The following UNC13C variants were observed in gnomAD, a reference collection of about 807,000 sequenced individuals.
The protein encoded by UNC13C is unc-13 homolog C.
UNC13C carries 174 observed loss-of-function variants against 245.4 expected under a neutral mutation model. The observed-to-expected ratio is 0.71, with a 90% CI of 0.63 to 0.80. The LOEUF is 0.80. Ranked by LOEUF, UNC13C falls within the 30% of genes least tolerant of loss-of-function variation. The pLI is 0.00. For synonymous variants in UNC13C, 992 were observed against 895.1 expected, an observed-to-expected ratio of 1.11 and a Z score of -1.93; for missense variants, 2,829 against 2,602.9, an observed-to-expected ratio of 1.09 and a Z score of -1.89.
intron 1 of UNC13C, among the ~76,000 whole-genome samples, chr15:53,990,525 A>G (rs181605998): frequency 6.6e-6 from 1 of 152,090 alleles, no homozygotes; most frequent in Non-Finnish European, 1.5e-5. Flanking sequence ...AAATTTTAAA[A>G]TCTTTTGTTT....
At chr15:54,126,939 A>G (rs1239805212) in intron 2 of UNC13C, among the ~76,000 whole-genome samples, 1 of 152,254 alleles carries the variant, frequency 6.6e-6, no homozygotes. Flanking sequence ...TATGCGGCCA[A>G]TAGTTATATG....
chr15:54,172,012 G>A (rs2141285561), intron 4 of UNC13C, among the ~76,000 whole-genome samples: 1 of 152,172 alleles, frequency 6.6e-6, no homozygotes, highest in South Asian at 2.1e-4. Flanking sequence ...GGCACAGAAA[G>A]ACTAAGTTTA....
intron 19 of UNC13C, among the ~76,000 whole-genome samples, chr15:54,458,857 T>C (rs1356155711): frequency 6.6e-6 from 1 of 151,962 alleles, no homozygotes; most frequent in Non-Finnish European, 1.5e-5. Flanking sequence ...CATTCTGCCA[T>C]TCTGTATCTT....
chr15:54,049,679 C>A, intron 2 of UNC13C: 1 of 216,624 alleles, frequency 4.6e-6, no homozygotes, highest in South Asian at 7.0e-5. Flanking sequence ...GTCAGTTGAC[C>A]ACGCAATATT....
intron 4 of UNC13C, among the ~76,000 whole-genome samples, chr15:54,183,831 C>T (rs1359875055): frequency 6.7e-6 from 1 of 149,708 alleles, no homozygotes; most frequent in East Asian, 2.0e-4. Context: ...AAGTCTCAAA[C>T]TGAGCAGTGG....
At chr15:53,883,955 A>T in the UNC13C span, among the ~76,000 whole-genome samples, 1 of 152,194 alleles carries the variant, frequency 6.6e-6, no homozygotes, top group African/African-American at 2.4e-5. Flanking sequence ...TCCTACAGAA[A>T]GTCTGAGGGT....
At chr15:54,151,395 A>G (rs539935285) in intron 4 of UNC13C, among the ~76,000 whole-genome samples, 1 of 152,136 alleles carries the variant, frequency 6.6e-6, no homozygotes, top group African/African-American at 2.4e-5. Flanking sequence ...CATTATATGA[A>G]AACTACTCTT....
At chr15:54,139,570 A>C (rs1363381648) in intron 2 of UNC13C, among the ~76,000 whole-genome samples, 1 of 152,216 alleles carries the variant, frequency 6.6e-6, no homozygotes, top group Non-Finnish European at 1.5e-5. Context: ...CTCATCAACT[A>C]TGCATGATAG....
At chr15:54,333,625 T>G (rs937771429) in intron 15 of UNC13C, 142 bp from the exon 16 acceptor site, 3 of 582,874 alleles carry the variant, frequency 5.1e-6, no homozygotes, top group Non-Finnish European at 9.2e-6. Flanking sequence ...ATGACAAAAA[T>G]ATTTTAAGAA....
chr15:54,142,097 G>T lies in UNC13C; in HGVS notation c.2984-921G>T, dbSNP rs182371208. Among the ~76,000 whole-genome samples the T allele has an allele frequency of 1.7e-3, 256 of 152,254 alleles. 1 individual carries two copies. The highest frequency in any genetic ancestry group is 3.0e-3 in the Non-Finnish European group (202 of 67,990). On this transcript the variant is annotated intron_variant, in intron 2 of 32. Transcript: ENST00000260323. ...CAGTTTTATGCTAATAAGCAAAGAT[G>T]AATTAATGAGTTTCAGAGCAATAGT...
intron 24 of UNC13C, among the ~76,000 whole-genome samples, chr15:54,519,974 G>C (rs1224180672): frequency 6.6e-6 from 1 of 152,112 alleles, no homozygotes; most frequent in East Asian, 1.9e-4. Context: ...GTTTTAAAAA[G>C]AAAACATAAA....
At chr15:54,028,719 G>T (rs1054634390) in intron 2 of UNC13C, among the ~76,000 whole-genome samples, 2 of 113,426 alleles carry the variant, frequency 1.8e-5, no homozygotes, top group Admixed American at 1.2e-4. Context: ...ACGGAGTCTC[G>T]CTCTGTTGTC....
the UNC13C span, among the ~76,000 whole-genome samples, chr15:53,956,422 T>C: frequency 3.3e-5 from 5 of 151,886 alleles, no homozygotes; most frequent in Non-Finnish European, 7.4e-5. Context: ...CGGTGCCAGC[T>C]GCTCAGAAGG....
intron 30 of UNC13C, among the ~76,000 whole-genome samples, chr15:54,576,405 C>T (rs1174465842): frequency 3.9e-5 from 6 of 152,176 alleles, no homozygotes. Context: ...ATCACTGAAT[C>T]TCTCTTCTGT....
In UNC13C at chr15:54,013,324, C is replaced by G. The variant is rs1262653549; in HGVS notation, c.421C>G (p.Gln141Glu). The G allele has an allele frequency of 6.2e-7, 1 of 1,613,840 alleles. No individual in the cohort carries two copies. Among genetic ancestry groups the G allele is most frequent in the Non-Finnish European group, 8.5e-7 (1 of 1,179,836 alleles). The stretch of plus-strand genomic sequence containing the variant: ...TGAACTAAGGAGTAGCACAGAAAAC[C>G]AGGCACAATCAACACACACAATGCC... ...LNELRSSTEN[Q>E]AQSTHTMPVR... Residue 141 changes from glutamine to glutamate, a missense_variant, in exon 2 of 33, where the codon CAG (glutamine) becomes GAG (glutamate). Coordinates refer to ENST00000260323, the MANE Select transcript of UNC13C (RefSeq NM_001080534.3).
In UNC13C at chr15:54,414,806, A is replaced by T. The variant is rs1003334305; in HGVS notation, c.4848-176A>T. 2.6e-5 allele frequency among the ~76,000 whole-genome samples: 4 copies of T among 151,722 alleles called. 1 individual carries two copies. The highest frequency in any genetic ancestry group is 4.8e-5 in the African/African-American group (2 of 41,248). On this transcript the variant is annotated intron_variant, in intron 18 of 32. Transcript: ENST00000260323. ...CCATCCAATAACTTTTTAACATTAAACTCTAGTGTGTAACATTTTTTTTTT... is the reference window on the plus strand; with the variant it reads ...CCATCCAATAACTTTTTAACATTAATCTCTAGTGTGTAACATTTTTTTTTT...
At chr15:54,398,352 T>A (rs1174315206) in intron 18 of UNC13C, among the ~76,000 whole-genome samples, 2 of 151,414 alleles carry the variant, frequency 1.3e-5, no homozygotes, top group Non-Finnish European at 3.0e-5. Flanking sequence ...ATTTTATTGA[T>A]AAAATTTTGT....
intron 25 of UNC13C, among the ~76,000 whole-genome samples, chr15:54,528,326 T>C (rs1317652819): frequency 1.3e-5 from 2 of 151,636 alleles, no homozygotes; most frequent in Non-Finnish European, 2.9e-5. Flanking sequence ...TCCTTTTTTT[T>C]TTTTTTTCTT....
chr15:53,989,774 A>C (rs1345792129), intron 1 of UNC13C, among the ~76,000 whole-genome samples: 1 of 152,000 alleles, frequency 6.6e-6, no homozygotes, highest in Non-Finnish European at 1.5e-5. Flanking sequence ...GTATAATTGC[A>C]CTTTTCTTGG....
Sources: gnomAD v4.1 joint callset for allele counts (sites outside exome capture counted in the v4.1 genomes callset) on GRCh38, gnomAD v4.1.1 for gene constraint, MANE v1.5 for transcripts, NCBI Gene and HGNC (gene_info 2026-07-23, HGNC 2026-07-21) for gene names.